CLEC16A: variants seen among roughly 807,000 people sequenced by gnomAD.
The protein encoded by CLEC16A is C-type lectin domain containing 16A.
Under a neutral mutation model 109.5 loss-of-function variants are expected in CLEC16A, and 51 were observed. The ratio of observed to expected loss-of-function variants is 0.47; its 90% confidence interval spans 0.37 to 0.59. The LOEUF is 0.59. CLEC16A is among the 20% of genes least tolerant of loss of function. The probability of loss-of-function intolerance (pLI) is 0.00; values close to 1 mark genes in which losing one functional copy is unlikely to be tolerated. For missense variants in CLEC16A, 1,339 were observed against 1,394.0 expected (o/e 0.96, Z 0.63); for synonymous variants, 673 against 564.2 (o/e 1.19, Z -2.73).
At chr16:11,034,951 G>A (rs2046942203) in intron 13 of CLEC16A, among the ~76,000 whole-genome samples, 1 of 152,036 alleles carries the variant, frequency 6.6e-6, no homozygotes, top group Non-Finnish European at 1.5e-5. Flanking sequence ...TTGTGTGTAT[G>A]TCCTTGCACA....
At chr16:11,015,496 G>A (rs993723624) in intron 11 of CLEC16A, among the ~76,000 whole-genome samples, 8 of 152,192 alleles carry the variant, frequency 5.3e-5, no homozygotes, top group African/African-American at 1.7e-4. Flanking sequence ...TTCCAGAAAG[G>A]GGCCTCATGG....
At chr16:11,060,648 G>A (rs957520914) in intron 18 of CLEC16A, among the ~76,000 whole-genome samples, 10 of 152,170 alleles carry the variant, frequency 6.6e-5, no homozygotes, top group East Asian at 1.9e-4. Context: ...GGCAGATGAC[G>A]GGTGCTCAGT....
In CLEC16A at chr16:11,120,778, A is replaced by G. The variant is rs2052345278; in HGVS notation, c.2268+12A>G. The G allele has an allele frequency of 1.3e-6, 2 of 1,513,214 alleles. No individual in the cohort carries two copies. The highest frequency in any genetic ancestry group is 2.5e-5 in the East Asian group (1 of 40,198). The allele number at this position is 1,513,214 out of a possible 1,614,324, so 93.7% of individuals were successfully genotyped here. ...CAGGCCTATTGCAGGTAAGATGGCC[A>G]GGAGCTCTGGGATCTGTTCTCAGTT... On this transcript the variant is annotated intron_variant, in intron 20 of 23. Coordinates refer to ENST00000409790, the MANE Select transcript of CLEC16A (RefSeq NM_015226.3).
At chr16:11,094,136 C>T (rs1024121999) in intron 19 of CLEC16A, among the ~76,000 whole-genome samples, 1 of 152,202 alleles carries the variant, frequency 6.6e-6, no homozygotes, top group Non-Finnish European at 1.5e-5. Flanking sequence ...TGGTCTCAAC[C>T]TTTCCTCCAG....
chr16:11,025,780 GATAA>G (rs1483846973), intron 13 of CLEC16A, among the ~76,000 whole-genome samples: 1 of 152,118 alleles, frequency 6.6e-6, no homozygotes, highest in African/African-American at 2.4e-5. Flanking sequence ...CATTAATCAT[GATAA>G]ATAAGTTGAT....
intron 19 of CLEC16A, chr16:11,066,537 G>C (rs369568242): frequency 1.3e-5 from 2 of 152,398 alleles, no homozygotes; most frequent in Non-Finnish European, 2.9e-5. Flanking sequence ...TCCGGTGGGC[G>C]GGGGAGCAGT....
Position 11,174,436 on chromosome 16 carries a change from C to T in CLEC16A, c.2807-3899C>T, listed in dbSNP as rs1405106743. Among the ~76,000 whole-genome samples, 2 of 152,274 alleles carry T rather than the reference C, an allele frequency of 1.3e-5. No homozygotes were observed. The highest frequency in any genetic ancestry group is 4.8e-5 in the African/African-American group (2 of 41,474). On this transcript the variant is annotated intron_variant, in intron 23 of 23. Coordinates refer to ENST00000409790, the MANE Select transcript of CLEC16A (RefSeq NM_015226.3). The surrounding 1 kb of genome is among the most constrained non-coding windows in gnomAD (Gnocchi z 4.7). Reference sequence around the variant, plus strand: ...TCCCCATTTTCCCCCAAAGTTGGTTCTCCCTGCTCCCTGTCTGGCCTCACC... The same window carrying T: ...TCCCCATTTTCCCCCAAAGTTGGTTTTCCCTGCTCCCTGTCTGGCCTCACC...
chr16:11,176,628 C>A (rs1336853210), intron 23 of CLEC16A, among the ~76,000 whole-genome samples: 1 of 152,168 alleles, frequency 6.6e-6, no homozygotes, highest in South Asian at 2.1e-4. Flanking sequence ...GTCCCAGCTA[C>A]TCAGGAGGCC....
intron 7 of CLEC16A, among the ~76,000 whole-genome samples, chr16:10,974,276 T>C (rs1043336151): frequency 4.6e-5 from 7 of 152,120 alleles, no homozygotes; most frequent in Admixed American, 4.6e-4. Context: ...TATGTGACTC[T>C]ACCAAAAACC....
At chr16:10,972,770 A>G (rs2074403714) in intron 6 of CLEC16A, among the ~76,000 whole-genome samples, 168 bp from the exon 7 acceptor site, 2 of 152,180 alleles carry the variant, frequency 1.3e-5, no homozygotes, top group Non-Finnish European at 2.9e-5. Flanking sequence ...TTTTATGAAT[A>G]AGATAAACAT....
rs778967990 is a variant in CLEC16A, at chr16:11,024,650, G to T, written c.1437-171G>T. On this transcript the variant is annotated intron_variant, in intron 12 of 23. Coordinates refer to ENST00000409790, the MANE Select transcript of CLEC16A (RefSeq NM_015226.3). ...CTCTGGATAGCGGCTTCCGCAGGCA[G>T]AGCCTGTCTCTCATTTGTCTGTGTC... 5.4e-6 allele frequency: 3 copies of T among 557,592 alleles called. No individual in the cohort carries two copies. In the African/African-American group the frequency reaches 5.6e-5, roughly 10 times the overall value. 34.5% of individuals were successfully genotyped at this position (557,592 alleles called of 1,614,324 possible).
chr16:11,030,511 T>C (rs2046678941), intron 13 of CLEC16A, among the ~76,000 whole-genome samples: 1 of 152,264 alleles, frequency 6.6e-6, no homozygotes, highest in African/African-American at 2.4e-5. Flanking sequence ...ATATCCCTAA[T>C]GACATTGAAC....
At chr16:10,980,984 A>G (rs2146666096) in intron 9 of CLEC16A, among the ~76,000 whole-genome samples, 1 of 152,240 alleles carries the variant, frequency 6.6e-6, no homozygotes, top group South Asian at 2.1e-4. Flanking sequence ...CTAAAACCAA[A>G]CTGCTAACAG....
chr16:11,146,165 A>G (rs2054047769), intron 22 of CLEC16A, among the ~76,000 whole-genome samples: 1 of 152,126 alleles, frequency 6.6e-6, no homozygotes, highest in Non-Finnish European at 1.5e-5. Context: ...CAGATATTCT[A>G]TATAGTGGCA....
chr16:11,155,005 C>G (rs1459195559), intron 22 of CLEC16A, among the ~76,000 whole-genome samples: 1 of 151,720 alleles, frequency 6.6e-6, no homozygotes, highest in Non-Finnish European at 1.5e-5. Context: ...CACCTGTAGT[C>G]CCAGCTACAC....
intron 23 of CLEC16A, among the ~76,000 whole-genome samples, chr16:11,171,842 ACTCC>A (rs1028400019): frequency 2.6e-5 from 4 of 152,080 alleles, no homozygotes; most frequent in Admixed American, 2.6e-4. Context: ...GCATAGTCAC[ACTCC>A]CACACAGTCA....
intron 17 of CLEC16A, among the ~76,000 whole-genome samples, chr16:11,050,592 G>A (rs577785380): frequency 2.6e-5 from 4 of 152,360 alleles, no homozygotes; most frequent in African/African-American, 4.8e-5. Context: ...TACTACTGAT[G>A]CAGCAGAGAT....
chr16:11,174,906 T>TGGC lies in CLEC16A; in HGVS notation c.2807-3428_2807-3426dup, dbSNP rs1224485983. On this transcript the variant is annotated intron_variant, in intron 23 of 23. Transcript: ENST00000409790. This position sits in a 1 kb window ranked among gnomAD's most constrained non-coding sequence, Gnocchi z 4.7. ...ATCCATGGGCCACCACCCAGCAGCC[T>TGGC]GGCTCGCTGTCGGGGCCATCCCTGC... 2.6e-5 allele frequency among the ~76,000 whole-genome samples: 4 copies of TGGC among 152,254 alleles called. No homozygotes were observed. Among genetic ancestry groups the TGGC allele is most frequent in the Admixed American group, 2.6e-4 (4 of 15,284 alleles).
At chr16:11,118,594 A>G (rs912691261) in intron 19 of CLEC16A, among the ~76,000 whole-genome samples, 2 of 152,208 alleles carry the variant, frequency 1.3e-5, no homozygotes, top group African/African-American at 2.4e-5. Flanking sequence ...GTAAACTGCC[A>G]TTAGTCTTTA....
Sources: gnomAD v4.1 joint callset for allele counts (sites outside exome capture counted in the v4.1 genomes callset) on GRCh38, gnomAD v4.1.1 for gene constraint, Gnocchi (gnomAD v3.1) non-coding constraint, MANE v1.5 for transcripts, NCBI Gene and HGNC (gene_info 2026-07-23, HGNC 2026-07-21) for gene names.